The following ASCC3 variants were observed in gnomAD, a reference collection of about 807,000 sequenced individuals.
ASCC3 encodes ASC-1 complex subunit P200.
In ASCC3, 158 loss-of-function variants were observed where a neutral mutation model predicts 256.3. The ratio of observed to expected loss-of-function variants is 0.62; its 90% CI spans 0.54 to 0.70. The LOEUF (loss-of-function observed/expected upper bound fraction) is 0.70. Among genes scored for constraint, ASCC3 ranks in the 30% least tolerant of loss-of-function variants. The pLI is 0.00. For synonymous variants in ASCC3, 948 were observed against 883.4 expected, an observed-to-expected ratio of 1.07 and a Z score of -1.30; for missense variants, 2,259 against 2,626.0, an observed-to-expected ratio of 0.86 and a Z score of 3.05.
chr6:100,577,603 A>G (rs1770940014), intron 36 of ASCC3, among the ~76,000 whole-genome samples: 1 of 152,084 alleles, frequency 6.6e-6, no homozygotes, highest in African/African-American at 2.4e-5. Flanking sequence ...GATAATGGGC[A>G]ACACCTGCTG....
At chr6:100,798,015 G>T (rs1001124097) in intron 8 of ASCC3, among the ~76,000 whole-genome samples, 1 of 151,982 alleles carries the variant, frequency 6.6e-6, no homozygotes, top group African/African-American at 2.4e-5. Context: ...GTTCATTTTG[G>T]TTGGCTGTGA....
chr6:100,794,538 T>G (rs1769510326), intron 8 of ASCC3, among the ~76,000 whole-genome samples: 1 of 152,068 alleles, frequency 6.6e-6, no homozygotes. Flanking sequence ...AACCCAACTG[T>G]ACCACTTATT....
In ASCC3 at chr6:100,625,265, G is replaced by GT. The variant is rs775526813; in HGVS notation, c.4711dup (p.Thr1571AsnfsTer12). The GT allele has an allele frequency of 1.2e-6, 2 of 1,613,030 alleles. No homozygotes were observed. The highest frequency in any genetic ancestry group is 1.7e-6 in the Non-Finnish European group (2 of 1,179,286). ...CAGGAAGGCGATCAATTCCAAAGCA[G>GT]TAAGACGAGTTTGACGTCTTGATGA... On this transcript the variant is annotated frameshift_variant, in exon 30 of 42. Transcript: ENST00000369162.
At chr6:100,757,677 T>C (rs1781243446) in intron 10 of ASCC3, among the ~76,000 whole-genome samples, 1 of 152,150 alleles carries the variant, frequency 6.6e-6, no homozygotes, top group Admixed American at 6.6e-5. Flanking sequence ...TCTTGCTTAT[T>C]ACACCTAATA....
rs1338366797 is a variant in ASCC3, at chr6:100,508,631, T to G, written c.*755A>C. On this transcript the variant is annotated 3_prime_UTR_variant, in exon 42 of 42. Coordinates refer to ENST00000369162, the MANE Select transcript of ASCC3 (RefSeq NM_006828.4). ...TCTGTAAATAAATATGTCAGAAAGATAATAGAAATAAAGCCTTGAAGTAGA... is the reference window on the plus strand; with the variant it reads ...TCTGTAAATAAATATGTCAGAAAGAGAATAGAAATAAAGCCTTGAAGTAGA... The G allele has an allele frequency of 2.6e-5, 4 of 152,100 alleles. No homozygotes were observed. The highest frequency in any genetic ancestry group is 9.7e-5 in the African/African-American group (4 of 41,420). The allele number at this position is 152,100 out of a possible 1,614,324, so 9.4% of individuals were successfully genotyped here.
At chr6:100,709,008 C>CA (rs1778743038) in intron 13 of ASCC3, among the ~76,000 whole-genome samples, 1 of 145,950 alleles carries the variant, frequency 6.9e-6, no homozygotes. Context: ...GCCTTAAGAC[C>CA]GAAAAAAAAA....
At chr6:100,779,284 A>G (rs1782338115) in intron 8 of ASCC3, among the ~76,000 whole-genome samples, 2 of 152,098 alleles carry the variant, frequency 1.3e-5, no homozygotes, top group South Asian at 4.1e-4. Flanking sequence ...TTTGAGATGG[A>G]GTCTCGCTAT....
At chr6:100,543,013 CA>C (rs1775539814) in intron 36 of ASCC3, among the ~76,000 whole-genome samples, 1 of 152,116 alleles carries the variant, frequency 6.6e-6, no homozygotes, top group South Asian at 2.1e-4. Context: ...GTTTAAAATA[CA>C]TAATTAGAGT....
intron 30 of ASCC3, among the ~76,000 whole-genome samples, chr6:100,611,377 C>A (rs240112): frequency 0.6 from 91,456 of 151,818 alleles, 28,009 homozygotes; most frequent in East Asian, 0.73. Context: ...ATTTGAAAAT[C>A]TAATTTTTTG....
chr6:100,702,382 G>A (rs1230786346), intron 13 of ASCC3, among the ~76,000 whole-genome samples: 3 of 152,228 alleles, frequency 2.0e-5, no homozygotes, highest in African/African-American at 7.2e-5. Flanking sequence ...CTAAGCTAAG[G>A]AATGACAGAT....
intron 36 of ASCC3, among the ~76,000 whole-genome samples, chr6:100,569,627 G>A (rs561769345): frequency 5.9e-5 from 9 of 151,982 alleles, no homozygotes; most frequent in Admixed American, 4.6e-4. Context: ...CTCGTGATCC[G>A]CCCTCCTCAG....
At chr6:100,703,932 T>C (rs1778460037) in intron 13 of ASCC3, among the ~76,000 whole-genome samples, 1 of 151,560 alleles carries the variant, frequency 6.6e-6, no homozygotes, top group Non-Finnish European at 1.5e-5. Context: ...ATATTAGTTA[T>C]ATACAAATAT....
chr6:100,799,582 TA>T lies in ASCC3; in HGVS notation c.1128-11del. On this transcript the variant is annotated splice_polypyrimidine_tract_variant and intron_variant, in intron 6 of 41. Coordinates refer to ENST00000369162, the MANE Select transcript of ASCC3 (RefSeq NM_006828.4). ...CAGAAGTGCCTGTTCTCTGTAAACA[TA>T]AAAATAGGCCTAATTTGAAATGTTT... is the stretch of plus-strand genomic sequence containing the variant. The T allele has an allele frequency of 6.2e-7, 1 of 1,610,574 alleles. No individual in the cohort carries two copies.
chr6:100,591,734 A>C (rs1039523985), intron 34 of ASCC3, among the ~76,000 whole-genome samples: 4 of 152,054 alleles, frequency 2.6e-5, no homozygotes, highest in Non-Finnish European at 5.9e-5. Context: ...CAAAAAAATT[A>C]AAATACTATT....
chr6:100,559,453 T>C (rs763580460), intron 36 of ASCC3, among the ~76,000 whole-genome samples: 2 of 152,112 alleles, frequency 1.3e-5, no homozygotes, highest in African/African-American at 4.8e-5. Context: ...GAATGTACAA[T>C]AGGGCCTGGA....
chr6:100,685,484 A>T (rs1582694450), intron 13 of ASCC3, among the ~76,000 whole-genome samples: 1 of 152,332 alleles, frequency 6.6e-6, no homozygotes, highest in Non-Finnish European at 1.5e-5. Flanking sequence ...TCCCTGAGTC[A>T]GAAACTCTGA....
chr6:100,616,394 T>A (rs757134668), intron 30 of ASCC3, among the ~76,000 whole-genome samples: 8 of 152,222 alleles, frequency 5.3e-5, no homozygotes, highest in Admixed American at 2.0e-4. Flanking sequence ...TGCACCTGCA[T>A]TACAGTTTTC....
chr6:100,710,420 C>A (rs1308510775), intron 13 of ASCC3, among the ~76,000 whole-genome samples: 4 of 152,176 alleles, frequency 2.6e-5, no homozygotes, highest in Non-Finnish European at 5.9e-5. Context: ...CCATGCACAA[C>A]TACTGTGAAA....
At chr6:100,799,860 A>C (rs1222327357) in intron 6 of ASCC3, among the ~76,000 whole-genome samples, 1 of 152,056 alleles carries the variant, frequency 6.6e-6, no homozygotes, top group Non-Finnish European at 1.5e-5. Context: ...TAAGGTATAC[A>C]TTTCTTTTTT....
Sources: gnomAD v4.1 joint callset for allele counts (sites outside exome capture counted in the v4.1 genomes callset) on GRCh38, gnomAD v4.1.1 for gene constraint, MANE v1.5 for transcripts, NCBI Gene and HGNC (gene_info 2026-07-23, HGNC 2026-07-21) for gene names.